The following MMS22L variants were observed in gnomAD, a reference collection of about 807,000 sequenced individuals.
The protein encoded by MMS22L is MMS22 like, DNA repair protein.
MMS22L carries 74 observed loss-of-function variants against 159.1 expected under a neutral mutation model. The observed-to-expected ratio is 0.47, with a 90% confidence interval of 0.39 to 0.56. MMS22L has a LOEUF of 0.56. Among genes scored for constraint, MMS22L ranks in the 20% least tolerant of loss-of-function variants. The probability of loss-of-function intolerance (pLI) is 0.00; values close to 1 mark genes in which losing one functional copy is unlikely to be tolerated. For synonymous variants in MMS22L, 517 were observed against 506.9 expected (o/e 1.02, Z -0.27); for missense variants, 1,351 against 1,422.1 (o/e 0.95, Z 0.80).
intron 9 of MMS22L, 65 bp from the exon 10 acceptor site, chr6:97,254,798 T>C: frequency 7.5e-7 from 1 of 1,331,780 alleles, no homozygotes; most frequent in Non-Finnish European, 1.0e-6. Flanking sequence ...TTCGTGGTTT[T>C]TCTCTATTTT....
chr6:97,249,335 A>G (rs969717524), intron 10 of MMS22L, among the ~76,000 whole-genome samples: 7 of 152,170 alleles, frequency 4.6e-5, no homozygotes, highest in Admixed American at 1.3e-4. Flanking sequence ...GCTGATGTTA[A>G]TTTATATCCT....
chr6:97,243,972 G>A (rs1260170919), intron 11 of MMS22L, among the ~76,000 whole-genome samples: 1 of 152,194 alleles, frequency 6.6e-6, no homozygotes, highest in Non-Finnish European at 1.5e-5. Context: ...GGAGGTAGCA[G>A]GGGAGTGAAA....
intron 22 of MMS22L, among the ~76,000 whole-genome samples, chr6:97,153,486 C>G (rs964527516): frequency 6.6e-6 from 1 of 150,752 alleles, no homozygotes; most frequent in Non-Finnish European, 1.5e-5. Flanking sequence ...ATTCTCCTGC[C>G]TCAGCCTCCC....
chr6:97,208,110 C>T lies in MMS22L; in HGVS notation c.2039+20784G>A, dbSNP rs575767840. 7.2e-4 allele frequency among the ~76,000 whole-genome samples: 110 copies of T among 152,284 alleles called. 1 individual carries two copies. Among genetic ancestry groups the T allele is most frequent in the African/African-American group, 2.6e-3 (106 of 41,566 alleles). ...TTAAATATTATTGCCTGACTACATA[C>T]AGGACCAACCTGAGTCATCAGATCA... On this transcript the variant is annotated intron_variant, in intron 14 of 24. Coordinates refer to ENST00000683635, the MANE Select transcript of MMS22L (RefSeq NM_001350599.2).
intron 18 of MMS22L, among the ~76,000 whole-genome samples, chr6:97,173,891 A>C (rs1803828784): frequency 6.6e-6 from 1 of 152,098 alleles, no homozygotes; most frequent in Non-Finnish European, 1.5e-5. Flanking sequence ...AGGAAAGGTT[A>C]GAATAAGCAA....
At chr6:97,173,331 A>T in intron 18 of MMS22L, 109 bp from the exon 19 acceptor site, 1 of 931,152 alleles carries the variant, frequency 1.1e-6, no homozygotes, top group Non-Finnish European at 1.6e-6. Flanking sequence ...CATACCCTTT[A>T]CATTTAAGCC....
chr6:97,254,315 T>C (rs900426589), intron 10 of MMS22L: 5 of 379,730 alleles, frequency 1.3e-5, no homozygotes, highest in African/African-American at 2.1e-5. Flanking sequence ...GGTCACACAA[T>C]TGTTCAGTAG....
chr6:97,146,991 T>C, intron 24 of MMS22L, 104 bp from the exon 25 acceptor site: 1 of 732,300 alleles, frequency 1.4e-6, no homozygotes, highest in Non-Finnish European at 2.2e-6. Context: ...CATCCATCTA[T>C]TCAGCCATCC....
chr6:97,209,142 TCTC>T (rs537427778), intron 14 of MMS22L, among the ~76,000 whole-genome samples: 13 of 152,008 alleles, frequency 8.6e-5, no homozygotes, highest in South Asian at 6.2e-4. Context: ...TTTTCTTCCT[TCTC>T]CTACTGATGA....
rs1554262353 is a variant in MMS22L, at chr6:97,192,209, G to GATGA, written c.2040-5523_2040-5520dup. ...GGATGGATGGATGGATGGATGGATG[G>GATGA]ATGAATGAATGAATGAATATGTGAA... On this transcript the variant is annotated intron_variant, in intron 14 of 24. Transcript: ENST00000683635. Among the ~76,000 whole-genome samples the GATGA allele has an allele frequency of 3.6e-4, 38 of 104,454 alleles. No individual in the cohort carries two copies. In the South Asian group the frequency reaches 9.6e-3, roughly 26 times the overall value. 68.5% of individuals were successfully genotyped at this position (104,454 alleles called of 152,430 possible). A position where few individuals can be genotyped will look rare whatever the true frequency, so the allele number is the denominator to read the frequency against.
chr6:97,273,293 C>A, intron 4 of MMS22L, among the ~76,000 whole-genome samples: 1 of 152,132 alleles, frequency 6.6e-6, no homozygotes, highest in African/African-American at 2.4e-5. Context: ...AAGTAACTTG[C>A]TCCCACAGTA....
intron 10 of MMS22L, among the ~76,000 whole-genome samples, chr6:97,250,557 A>G (rs998130978): frequency 1.3e-5 from 2 of 152,172 alleles, no homozygotes; most frequent in Non-Finnish European, 2.9e-5. Flanking sequence ...ACCCACTCTC[A>G]TCTTGTCTGA....
intron 14 of MMS22L, among the ~76,000 whole-genome samples, chr6:97,194,657 T>A (rs1165517074): frequency 6.6e-6 from 1 of 152,098 alleles, no homozygotes. Flanking sequence ...TCATACATAA[T>A]CCTGTCATGG....
chr6:97,157,420 G>A (rs918805016), intron 22 of MMS22L, among the ~76,000 whole-genome samples: 2 of 152,318 alleles, frequency 1.3e-5, no homozygotes, highest in South Asian at 2.1e-4. Context: ...AATGTTTCCA[G>A]TTTTTGTCCA....
chr6:97,193,930 T>A (rs1806177688), intron 14 of MMS22L, among the ~76,000 whole-genome samples: 1 of 151,330 alleles, frequency 6.6e-6, no homozygotes, highest in Non-Finnish European at 1.5e-5. Context: ...CCAGCTAATG[T>A]TTTTGTATTT....
At position 97,233,987 on chromosome 6, in the gene MMS22L, A is replaced by C; in HGVS notation, c.1183-7T>G. On this transcript the variant is annotated splice_region_variant and splice_polypyrimidine_tract_variant and intron_variant, in intron 11 of 24. Transcript: ENST00000683635. ...GTTCTTCTAGAATGACACCCTAAAA[A>C]ATAAACTGAAGTTATGAGAAGGTAA... The C allele has an allele frequency of 1.2e-6, 2 of 1,603,952 alleles. No homozygotes were observed. The highest frequency in any genetic ancestry group is 1.7e-6 in the Non-Finnish European group (2 of 1,176,634).
In MMS22L at chr6:97,145,087, T is replaced by C. The variant is rs1800874683; in HGVS notation, c.*1719A>G. The C allele has an allele frequency of 7.6e-6, 1 of 131,858 alleles. No individual in the cohort carries two copies. Among genetic ancestry groups the C allele is most frequent in the African/African-American group, 2.9e-5 (1 of 34,420 alleles). 8.2% of individuals were successfully genotyped at this position (131,858 alleles called of 1,614,324 possible). ...ACACAAAAACACATATACACATAAA[T>C]AACCTCTTTAAAGGCATCACCTTAA... On this transcript the variant is annotated 3_prime_UTR_variant, in exon 25 of 25. Transcript: ENST00000683635.
At chr6:97,268,059 A>C in intron 7 of MMS22L, 57 bp from the exon 8 acceptor site, 1 of 1,205,798 alleles carries the variant, frequency 8.3e-7, no homozygotes, top group Non-Finnish European at 1.1e-6. Context: ...CAGAAAGGAA[A>C]AAGTGACTGT....
intron 2 of MMS22L, 136 bp from the exon 3 acceptor site, chr6:97,281,498 C>T: frequency 1.6e-6 from 1 of 644,202 alleles, no homozygotes. Context: ...GTACTTTACA[C>T]ATTCAAGATT....
Sources: allele counts gnomAD v4.1 joint callset (sites outside exome capture counted in the v4.1 genomes callset), GRCh38; gene constraint gnomAD v4.1.1; transcripts MANE v1.5; gene names NCBI Gene and HGNC (gene_info 2026-07-23, HGNC 2026-07-21).